The following CALCR variants were observed in gnomAD, a reference collection of about 807,000 sequenced individuals.
CALCR encodes the protein calcitonin receptor.
CALCR carries 47 observed loss-of-function variants against 59.5 expected under a neutral mutation model. The ratio of observed to expected loss-of-function variants is 0.79; its 90% CI spans 0.63 to 1.01. The LOEUF (loss-of-function observed/expected upper bound fraction) is 1.01. Among genes scored for constraint, CALCR ranks in the 50% least tolerant of loss-of-function variants. The pLI is 0.00. For synonymous variants in CALCR, 213 were observed against 211.3 expected, an observed-to-expected ratio of 1.01 and a Z score of -0.07; for missense variants, 566 against 597.1, an observed-to-expected ratio of 0.95 and a Z score of 0.54.
At chr7:93,446,394 T>A (rs1050154453) in intron 8 of CALCR, among the ~76,000 whole-genome samples, 11 of 152,044 alleles carry the variant, frequency 7.2e-5, no homozygotes, top group Non-Finnish European at 1.6e-4. Context: ...GATAATTTTT[T>A]AAGAAATATA....
intron 2 of CALCR, among the ~76,000 whole-genome samples, chr7:93,547,798 A>G (rs558662560): frequency 1.3e-5 from 2 of 152,298 alleles, no homozygotes; most frequent in African/African-American, 4.8e-5. Context: ...TTCTGAATTC[A>G]CTTGACCTCT....
chr7:93,433,794 C>T (rs1799708735), intron 13 of CALCR, among the ~76,000 whole-genome samples: 1 of 152,156 alleles, frequency 6.6e-6, no homozygotes, highest in Non-Finnish European at 1.5e-5. Context: ...TTTGAGAATC[C>T]TTTTTGAATC....
At chr7:93,527,748 A>G (rs1246368266) in intron 2 of CALCR, among the ~76,000 whole-genome samples, 1 of 152,170 alleles carries the variant, frequency 6.6e-6, no homozygotes, top group Non-Finnish European at 1.5e-5. Context: ...AGATGAATAT[A>G]AACAACAGAA....
At chr7:93,430,799 C>T (rs547914450) in intron 13 of CALCR, among the ~76,000 whole-genome samples, 2 of 152,290 alleles carry the variant, frequency 1.3e-5, no homozygotes, top group Admixed American at 1.3e-4. Flanking sequence ...TGGGGCCAAG[C>T]AATCCCTGGT....
intron 3 of CALCR, among the ~76,000 whole-genome samples, chr7:93,485,827 A>C (rs7782959): frequency 0.53 from 80,023 of 151,272 alleles, 21,459 homozygotes; most frequent in East Asian, 0.69. Context: ...GATAAGACAA[A>C]CTGACAATAA....
At chr7:93,441,293 T>C (rs1412754756) in intron 9 of CALCR, among the ~76,000 whole-genome samples, 2 of 152,064 alleles carry the variant, frequency 1.3e-5, no homozygotes, top group Admixed American at 6.6e-5. Flanking sequence ...TCAAAGGAAA[T>C]AAATCTGGCA....
intron 2 of CALCR, among the ~76,000 whole-genome samples, chr7:93,488,474 AAGTC>A (rs973926220): frequency 1.1e-4 from 17 of 150,762 alleles, no homozygotes; most frequent in African/African-American, 4.1e-4. Flanking sequence ...ATTGAATAAA[AAGTC>A]AGGACCCATT....
intron 8 of CALCR, among the ~76,000 whole-genome samples, chr7:93,457,690 G>A (rs1384729313): frequency 6.6e-6 from 1 of 152,154 alleles, no homozygotes; most frequent in African/African-American, 2.4e-5. Flanking sequence ...AAATGTGACT[G>A]TTTTCTGCAG....
intron 12 of CALCR, among the ~76,000 whole-genome samples, chr7:93,434,509 G>A (rs1391001599): frequency 2.6e-5 from 4 of 151,576 alleles, no homozygotes; most frequent in Admixed American, 1.3e-4. Flanking sequence ...CTAGAAGGAC[G>A]GATTAATATT....
chr7:93,443,705 T>C lies in CALCR; in HGVS notation c.701A>G (p.Tyr234Cys). ...GATCCCTTCACAGAGCATCCAGAAA[T>C]AGTTGCAGGCCATCATGTACTGGTG... ...FFHQYMMACN[Y>C]FWMLCEGIYL... is the part of the protein sequence containing the mutation. The change falls in exon 9 of 14, where the codon TAT becomes TGT. Residue 234 changes from tyrosine (Y) to cysteine (C), a missense_variant. Physicochemically the swap from Tyr to Cys is radical, Grantham distance 194. Transcript: ENST00000426151. The C allele has an allele frequency of 6.2e-7, 1 of 1,613,040 alleles. No homozygotes were observed. Among genetic ancestry groups the C allele is most frequent in the Non-Finnish European group, 8.5e-7 (1 of 1,179,280 alleles).
At position 93,426,277 on chromosome 7, in the gene CALCR, ATGG is replaced by A; in HGVS notation, c.*76_*78del. On this transcript the variant is annotated 3_prime_UTR_variant, in exon 14 of 14. Transcript: ENST00000426151. ...AATGATATGTTCGGTTCCTGGGAGG[ATGG>A]AGAATACTTTAAATGCATGGTCTTT... 1 of 804,440 alleles carries A rather than the reference ATGG, an allele frequency of 1.2e-6. No individual in the cohort carries two copies. The highest frequency in any genetic ancestry group is 2.2e-6 in the Non-Finnish European group (1 of 457,432). 49.8% of individuals were successfully genotyped at this position (804,440 alleles called of 1,614,324 possible).
intron 2 of CALCR, among the ~76,000 whole-genome samples, chr7:93,489,267 G>C (rs968904160): frequency 6.6e-6 from 1 of 151,846 alleles, no homozygotes; most frequent in African/African-American, 2.4e-5. Context: ...TTAAAGCAGT[G>C]TTAAGAGGGA....
intron 5 of CALCR, 100 bp from the exon 6 acceptor site, chr7:93,472,587 C>T: frequency 1.5e-6 from 1 of 687,058 alleles, no homozygotes; most frequent in Admixed American, 2.4e-5. Flanking sequence ...ATATTAATCA[C>T]TTTATAGAAC....
intron 3 of CALCR, among the ~76,000 whole-genome samples, chr7:93,481,647 C>T (rs1800800114): frequency 6.6e-6 from 1 of 151,762 alleles, no homozygotes; most frequent in Non-Finnish European, 1.5e-5. Flanking sequence ...AAATATCTTG[C>T]AAAGAGAAGA....
At chr7:93,428,398 G>A (rs538776610) in intron 13 of CALCR, among the ~76,000 whole-genome samples, 12 of 152,340 alleles carry the variant, frequency 7.9e-5, no homozygotes, top group East Asian at 3.9e-4. Flanking sequence ...TACTATTACC[G>A]TAGCTTTAAA....
At chr7:93,429,925 TGTTTGTTTG>T (rs768570436) in intron 13 of CALCR, among the ~76,000 whole-genome samples, 22 of 102,550 alleles carry the variant, frequency 2.1e-4, no homozygotes, top group African/African-American at 5.7e-4. Flanking sequence ...TTTTTTTTTT[TGTTTGTTTG>T]TTTTTTTGTT....
chr7:93,467,042 T>C (rs548197116), intron 7 of CALCR, among the ~76,000 whole-genome samples: 1 of 123,126 alleles, frequency 8.1e-6, no homozygotes, highest in South Asian at 2.9e-4. Context: ...GAATTTTTCT[T>C]TCAATTTTTT....
intron 5 of CALCR, among the ~76,000 whole-genome samples, chr7:93,473,121 G>C (rs73221727): frequency 1.3e-5 from 2 of 151,624 alleles, no homozygotes; most frequent in Non-Finnish European, 3.0e-5. Context: ...AGGGATCCAG[G>C]CTTCAGCCTT....
At chr7:93,525,451 A>G (rs1415596005) in intron 2 of CALCR, among the ~76,000 whole-genome samples, 1 of 152,190 alleles carries the variant, frequency 6.6e-6, no homozygotes, top group African/African-American at 2.4e-5. Context: ...TATCCCATCA[A>G]TGGCAGAGAA....
Sources: gnomAD v4.1 joint callset for allele counts (sites outside exome capture counted in the v4.1 genomes callset) on GRCh38, gnomAD v4.1.1 for gene constraint, MANE v1.5 for transcripts, NCBI Gene and HGNC (gene_info 2026-07-23, HGNC 2026-07-21) for gene names.